The following JHY variants were observed in gnomAD, a reference collection of about 807,000 sequenced individuals.
JHY encodes jhy protein homolog.
JHY carries 69 observed loss-of-function variants against 78.0 expected under a neutral mutation model. The observed-to-expected ratio is 0.88, with a 90% confidence interval of 0.73 to 1.08. The LOEUF (loss-of-function observed/expected upper bound fraction) is 1.08. JHY is among the 50% of genes least tolerant of loss of function. The probability of loss-of-function intolerance (pLI) is 0.00; values close to 1 mark genes in which losing one functional copy is unlikely to be tolerated. For missense variants in JHY, 944 were observed against 927.8 expected, an observed-to-expected ratio of 1.02 and a Z score of -0.23; for synonymous variants, 368 against 342.6, an observed-to-expected ratio of 1.07 and a Z score of -0.82.
rs375344569 is a variant in JHY, at chr11:122,901,473, T to A, written c.345-2452T>A. Among the ~76,000 whole-genome samples, 1,262 of 147,266 alleles carry A rather than the reference T, an allele frequency of 8.6e-3. 14 individuals are homozygous for A. Among genetic ancestry groups the A allele is most frequent in the African/African-American group, 0.03 (1,201 of 40,018 alleles). On this transcript the variant is annotated intron_variant, in intron 2 of 8. Coordinates refer to ENST00000227349, the MANE Select transcript of JHY (RefSeq NM_024806.4). ...TTTATATACTTTTAATTTTTTTTTTTACTTTTTAACTCTTTTGTAATAACA... is the reference window on the plus strand; with the variant it reads ...TTTATATACTTTTAATTTTTTTTTTAACTTTTTAACTCTTTTGTAATAACA...
intron 3 of JHY, among the ~76,000 whole-genome samples, chr11:122,911,002 A>C (rs1863109752): frequency 6.6e-6 from 1 of 152,250 alleles, no homozygotes; most frequent in Non-Finnish European, 1.5e-5. Flanking sequence ...ACGGTCAGGC[A>C]GTAACTTTGC....
intron 1 of JHY, among the ~76,000 whole-genome samples, chr11:122,884,609 C>G (rs998315033): frequency 2.9e-4 from 44 of 152,078 alleles, no homozygotes; most frequent in Non-Finnish European, 7.4e-5. Flanking sequence ...ACAGACAGTG[C>G]AGGTTCACTT....
chr11:122,885,169 A>G (rs550690167), intron 1 of JHY, among the ~76,000 whole-genome samples: 120 of 152,150 alleles, frequency 7.9e-4, no homozygotes, highest in African/African-American at 2.9e-3. Context: ...ATGTCCACCT[A>G]AATTATATGT....
At chr11:122,936,797 G>A (rs1443626106) in intron 5 of JHY, among the ~76,000 whole-genome samples, 1 of 152,178 alleles carries the variant, frequency 6.6e-6, no homozygotes. Context: ...TACATGAAGT[G>A]AAATTGGCTT....
chr11:122,909,369 C>T (rs758685792), intron 3 of JHY, among the ~76,000 whole-genome samples: 10 of 152,268 alleles, frequency 6.6e-5, no homozygotes, highest in Non-Finnish European at 1.5e-4. Flanking sequence ...ACTCTGGAGC[C>T]AGGTTGGTTG....
intron 4 of JHY, among the ~76,000 whole-genome samples, chr11:122,932,666 A>G (rs1863660103): frequency 6.6e-6 from 1 of 152,346 alleles, no homozygotes; most frequent in African/African-American, 2.4e-5. Flanking sequence ...GACCTTCACG[A>G]ATAGTGCTGC....
intron 5 of JHY, among the ~76,000 whole-genome samples, chr11:122,946,139 A>G (rs1254590226): frequency 6.6e-6 from 1 of 152,212 alleles, no homozygotes; most frequent in Non-Finnish European, 1.5e-5. Flanking sequence ...TTTGGTCTTT[A>G]GAGATTTCTG....
At chr11:122,912,992 C>T (rs985878249) in intron 3 of JHY, among the ~76,000 whole-genome samples, 1 of 152,146 alleles carries the variant, frequency 6.6e-6, no homozygotes, top group African/African-American at 2.4e-5. Flanking sequence ...AGAGGCCCTT[C>T]TAACCAGCTC....
At chr11:122,905,199 C>G in intron 3 of JHY, 1 of 1,614,042 alleles carries the variant, frequency 6.2e-7, no homozygotes, top group Admixed American at 1.7e-5. Context: ...TTCTCTCCCA[C>G]GTGATGGATT....
In JHY at chr11:122,936,598, CATTA is replaced by C. The variant is rs1863761578; in HGVS notation, c.1634+1527_1634+1530del. On this transcript the variant is annotated intron_variant, in intron 5 of 8. Coordinates refer to ENST00000227349, the MANE Select transcript of JHY (RefSeq NM_024806.4). ...TTGATTTTATCAAATACTTTTTCTG[CATTA>C]ATTGAAACATTTCTCCATTAATCCT... Among the ~76,000 whole-genome samples the C allele has an allele frequency of 2.6e-5, 4 of 152,144 alleles. No homozygotes were observed. The South Asian group carries it at 8.3e-4, about 32-fold the overall frequency.
chr11:122,955,796 G>A (rs950092236), intron 6 of JHY, among the ~76,000 whole-genome samples: 2 of 152,026 alleles, frequency 1.3e-5, no homozygotes, highest in African/African-American at 4.8e-5. Context: ...AACTTGAAAG[G>A]TTGCTACCTT....
chr11:122,929,164 T>A (rs538473538), intron 4 of JHY, among the ~76,000 whole-genome samples: 67 of 151,532 alleles, frequency 4.4e-4, no homozygotes, highest in Non-Finnish European at 8.5e-4. Flanking sequence ...TGACCTCAGG[T>A]GATCTGCCTG....
chr11:122,959,602 A>C lies in JHY; in HGVS notation c.*157A>C. 1 of 689,058 alleles carries C rather than the reference A, an allele frequency of 1.5e-6. No homozygotes were observed. The highest frequency in any genetic ancestry group is 2.4e-6 in the Non-Finnish European group (1 of 423,874). 42.7% of individuals were successfully genotyped at this position (689,058 alleles called of 1,614,324 possible). A position where few individuals can be genotyped will look rare whatever the true frequency, so the allele number is the denominator to read the frequency against. On this transcript the variant is annotated 3_prime_UTR_variant, in exon 9 of 9. Coordinates refer to ENST00000227349, the MANE Select transcript of JHY (RefSeq NM_024806.4). ...TGCAGGATTTAAAATATGAGGCCCA[A>C]TTGGATTATGGTGCCATATTTTACT...
At chr11:122,949,563 C>T (rs1462488528) in intron 6 of JHY, among the ~76,000 whole-genome samples, 1 of 152,092 alleles carries the variant, frequency 6.6e-6, no homozygotes, top group East Asian at 1.9e-4. Context: ...ATGACCCCAC[C>T]CCAATCCTGC....
chr11:122,904,623 G>A, intron 3 of JHY, among the ~76,000 whole-genome samples, 179 bp downstream of exon 3: 1 of 152,062 alleles, frequency 6.6e-6, no homozygotes, highest in East Asian at 1.9e-4. Flanking sequence ...AAATTCTTAT[G>A]ACCAAAATAA....
intron 6 of JHY, among the ~76,000 whole-genome samples, chr11:122,956,089 T>G (rs746809175): frequency 1.8e-4 from 28 of 151,796 alleles, no homozygotes; most frequent in Non-Finnish European, 3.4e-4. Context: ...GAGGATCACT[T>G]AAGCTCAGGA....
chr11:122,916,541 T>C (rs1863237818), intron 3 of JHY, among the ~76,000 whole-genome samples: 1 of 152,232 alleles, frequency 6.6e-6, no homozygotes, highest in Non-Finnish European at 1.5e-5. Context: ...TTTTGATTTC[T>C]TGATAGCAAA....
chr11:122,923,414 G>A (rs140779634), intron 3 of JHY, among the ~76,000 whole-genome samples: 106 of 152,312 alleles, frequency 7.0e-4, no homozygotes, highest in Non-Finnish European at 1.3e-3. Flanking sequence ...GGCAGACAGC[G>A]AGTAAACATC....
At position 122,958,752 on chromosome 11, in the gene JHY, A is replaced by G. The variant is rs1014330522; in HGVS notation, c.2140-496A>G. ...CAGCGTCTAGATTGCTATAGAAAGA[A>G]AAAAATTTCAACCTCAAATACTTTC... is the stretch of plus-strand genomic sequence containing the variant. On this transcript the variant is annotated intron_variant, in intron 8 of 8. Coordinates refer to ENST00000227349, the MANE Select transcript of JHY (RefSeq NM_024806.4). 8.1e-6 allele frequency: 8 copies of G among 985,206 alleles called. No individual in the cohort carries two copies. The Admixed American group carries it at 3.7e-4, about 45-fold the overall frequency. The allele number at this position is 985,206 out of a possible 1,614,324, so 61.0% of individuals were successfully genotyped here. A position where few individuals can be genotyped will look rare whatever the true frequency, so the allele number is the denominator to read the frequency against.
Sources: gnomAD v4.1 joint callset for allele counts (sites outside exome capture counted in the v4.1 genomes callset) on GRCh38, gnomAD v4.1.1 for gene constraint, MANE v1.5 for transcripts, NCBI Gene and HGNC (gene_info 2026-07-23, HGNC 2026-07-21) for gene names.